The following FAM200B variants were observed in gnomAD, a reference collection of about 807,000 sequenced individuals.
FAM200B encodes zinc finger BED-type containing 11.
A neutral mutation model predicts 33.1 loss-of-function variants in FAM200B; 32 were observed. That is an observed-to-expected ratio of 0.97 (90% CI 0.73 to 1.30). The LOEUF (loss-of-function observed/expected upper bound fraction) is 1.30, where lower values mean the gene tolerates loss of function less well. Among genes scored for constraint, FAM200B ranks in the 50% most tolerant of loss-of-function variants. The pLI is 0.00. For synonymous variants in FAM200B, 240 were observed against 264.8 expected (o/e 0.91, Z 0.91); for missense variants, 741 against 754.0 (o/e 0.98, Z 0.20).
chr4:15,672,625 G>A, the FAM200B span, among the ~76,000 whole-genome samples: 1 of 152,202 alleles, frequency 6.6e-6, no homozygotes, highest in Non-Finnish European at 1.5e-5. Context: ...GGAGCTTGTA[G>A]GACTAGAAGT....
At chr4:15,666,920 G>A in the FAM200B span, among the ~76,000 whole-genome samples, 1 of 151,476 alleles carries the variant, frequency 6.6e-6, no homozygotes, top group Non-Finnish European at 1.5e-5. Flanking sequence ...TAATTAGCTT[G>A]ATGTAATCAT....
chr4:15,660,842 C>T, the FAM200B span, among the ~76,000 whole-genome samples: 1 of 152,008 alleles, frequency 6.6e-6, no homozygotes, highest in Non-Finnish European at 1.5e-5. Flanking sequence ...ACTGGGAGGC[C>T]GAGGTGGGCG....
chr4:15,650,668 T>C, the FAM200B span, among the ~76,000 whole-genome samples: 1 of 141,640 alleles, frequency 7.1e-6, no homozygotes, highest in South Asian at 2.3e-4. Flanking sequence ...TTTCTTTTTT[T>C]TTTTTTTTTT....
the FAM200B span, among the ~76,000 whole-genome samples, chr4:15,642,972 CT>C: frequency 6.6e-6 from 1 of 151,942 alleles, no homozygotes; most frequent in Non-Finnish European, 1.5e-5. Flanking sequence ...ATTTTATTTC[CT>C]ACATAATTCT....
the FAM200B span, among the ~76,000 whole-genome samples, chr4:15,638,015 AC>A: frequency 6.6e-6 from 1 of 152,146 alleles, no homozygotes; most frequent in African/African-American, 2.4e-5. Flanking sequence ...ATTACTGGAT[AC>A]AAGCTGAAAA....
the FAM200B span, among the ~76,000 whole-genome samples, chr4:15,667,699 A>T: frequency 2.4e-4 from 37 of 152,278 alleles, no homozygotes; most frequent in Non-Finnish European, 4.4e-4. Flanking sequence ...AAGATATGAT[A>T]AATAAAACAT....
the FAM200B span, among the ~76,000 whole-genome samples, chr4:15,662,854 A>G: frequency 6.6e-6 from 1 of 152,208 alleles, no homozygotes; most frequent in Non-Finnish European, 1.5e-5. Flanking sequence ...GCTAAACATT[A>G]TTCCCAGATT....
At chr4:15,669,701 A>C in the FAM200B span, among the ~76,000 whole-genome samples, 1 of 152,236 alleles carries the variant, frequency 6.6e-6, no homozygotes, top group East Asian at 1.9e-4. Context: ...CACTATGAAA[A>C]GTTATTTTTA....
At chr4:15,646,802 T>G in the FAM200B span, among the ~76,000 whole-genome samples, 1 of 151,424 alleles carries the variant, frequency 6.6e-6, no homozygotes, top group Non-Finnish European at 1.5e-5. Flanking sequence ...GGTGTTTGGT[T>G]TTTTTGTCCT....
upstream of FAM200B, among the ~76,000 whole-genome samples, chr4:15,679,123 C>T (rs1030344143): frequency 4.8e-5 from 7 of 145,828 alleles, no homozygotes; most frequent in Non-Finnish European, 5.9e-5. Context: ...AGTGCAGCGG[C>T]GTGATCTCGG....
At chr4:15,641,186 C>G in the FAM200B span, among the ~76,000 whole-genome samples, 1 of 152,140 alleles carries the variant, frequency 6.6e-6, no homozygotes, top group African/African-American at 2.4e-5. Flanking sequence ...TTCTACATGT[C>G]AGTTCTCTTA....
chr4:15,685,502 G>C (rs2148859585), intron 1 of FAM200B, among the ~76,000 whole-genome samples: 1 of 152,204 alleles, frequency 6.6e-6, no homozygotes, highest in Admixed American at 6.5e-5. Flanking sequence ...GATTAGGATA[G>C]GGCAATATTG....
At chr4:15,675,243 T>C in the FAM200B span, among the ~76,000 whole-genome samples, 1 of 152,176 alleles carries the variant, frequency 6.6e-6, no homozygotes, top group East Asian at 1.9e-4. Flanking sequence ...TTCATTTTCT[T>C]CAAATTAAGA....
At chr4:15,679,437 C>G (rs568325107), upstream of FAM200B, among the ~76,000 whole-genome samples, 82 of 152,068 alleles carry the variant, frequency 5.4e-4, no homozygotes, top group African/African-American at 2.0e-3. Flanking sequence ...TTACCCAAGT[C>G]TCTTGTTTTT....
the FAM200B span, among the ~76,000 whole-genome samples, chr4:15,669,995 G>A: frequency 3.3e-5 from 5 of 152,106 alleles, no homozygotes; most frequent in African/African-American, 9.7e-5. Flanking sequence ...TAGAAATTTT[G>A]AAAGAAATAA....
chr4:15,674,209 T>G, the FAM200B span, among the ~76,000 whole-genome samples: 16 of 152,138 alleles, frequency 1.1e-4, no homozygotes, highest in South Asian at 1.5e-3. Context: ...ATCGTGTTTT[T>G]TTTTTTTTTT....
the FAM200B span, among the ~76,000 whole-genome samples, chr4:15,670,700 T>C: frequency 9.8e-6 from 1 of 102,344 alleles, no homozygotes; most frequent in Non-Finnish European, 2.2e-5. Flanking sequence ...TTTATAACCC[T>C]TGAAAAAAGG....
the FAM200B span, chr4:15,638,544 A>T: frequency 6.3e-7 from 1 of 1,595,422 alleles, no homozygotes; most frequent in Non-Finnish European, 8.5e-7. Flanking sequence ...TATTTAAAAA[A>T]CTTCTGTCGC....
At chr4:15,637,859 C>T in the FAM200B span, among the ~76,000 whole-genome samples, 1 of 148,720 alleles carries the variant, frequency 6.7e-6, no homozygotes, top group African/African-American at 2.5e-5. Flanking sequence ...CTTGAAGAAG[C>T]AAAGCTACTG....
Sources: allele counts gnomAD v4.1 joint callset (sites outside exome capture counted in the v4.1 genomes callset), GRCh38; gene constraint gnomAD v4.1.1; transcripts MANE v1.5; gene names NCBI Gene and HGNC (gene_info 2026-07-23, HGNC 2026-07-21).